CATSPERE: variants seen among roughly 807,000 people sequenced by gnomAD.
CATSPERE encodes the protein cation channel sperm-associated auxiliary subunit epsilon.
Under a neutral mutation model 114.1 loss-of-function variants are expected in CATSPERE, and 93 were observed. The ratio of observed to expected loss-of-function variants is 0.81; its 90% CI spans 0.69 to 0.97. The LOEUF is 0.97. CATSPERE is among the 50% of genes least tolerant of loss of function. CATSPERE has a pLI of 0.00. For missense variants in CATSPERE, 1,058 were observed against 1,131.6 expected, an observed-to-expected ratio of 0.93 and a Z score of 0.93; for synonymous variants, 341 against 384.1, an observed-to-expected ratio of 0.89 and a Z score of 1.31.
At position 244,640,067 on chromosome 1, in the gene CATSPERE, C is replaced by T. The variant is rs1040402040; in HGVS notation, c.2842C>T (p.Arg948Cys). Reference sequence around the variant, plus strand: ...ACCACTTCACAAACCTCAAAGAAAACGTAAGAAGAATTAGGAAAACTGAAA... The same window carrying T: ...ACCACTTCACAAACCTCAAAGAAAATGTAAGAAGAATTAGGAAAACTGAAA... ...YEPLHKPQRK[R>C]KKN Residue 948 changes from arginine to cysteine, a missense_variant, in exon 22 of 22, where the codon CGT becomes TGT. Coordinates refer to ENST00000366534, the MANE Select transcript of CATSPERE (RefSeq NM_001130957.2). The T allele has an allele frequency of 6.5e-6, 10 of 1,547,698 alleles. No homozygotes were observed. In the African/African-American group the frequency reaches 9.6e-5, roughly 15 times the overall value.
intron 2 of CATSPERE, among the ~76,000 whole-genome samples, chr1:244,474,043 TG>T (rs1371052414): frequency 6.6e-6 from 1 of 152,100 alleles, no homozygotes; most frequent in Non-Finnish European, 1.5e-5. Flanking sequence ...GCTTTTTTTT[TG>T]TTTTTGAGAT....
intron 5 of CATSPERE, among the ~76,000 whole-genome samples, chr1:244,485,798 G>A (rs1397462279): frequency 6.6e-6 from 1 of 150,836 alleles, no homozygotes; most frequent in African/African-American, 2.4e-5. Context: ...TTGGTGTCAG[G>A]CACTCCTCCC....
chr1:244,561,931 C>T (rs1662623647), intron 10 of CATSPERE, among the ~76,000 whole-genome samples: 2 of 152,050 alleles, frequency 1.3e-5, no homozygotes, highest in Non-Finnish European at 2.9e-5. Flanking sequence ...GTGGGAGGAT[C>T]ACTTGACTCC....
intron 8 of CATSPERE, among the ~76,000 whole-genome samples, chr1:244,538,478 C>G (rs1178232449): frequency 1.3e-5 from 2 of 152,186 alleles, no homozygotes; most frequent in Non-Finnish European, 2.9e-5. Flanking sequence ...TTGGAGTTCT[C>G]TGGCCCAACT....
At chr1:244,516,561 G>A (rs999690615) in intron 7 of CATSPERE, among the ~76,000 whole-genome samples, 6 of 149,442 alleles carry the variant, frequency 4.0e-5, no homozygotes, top group African/African-American at 1.2e-4. Flanking sequence ...TCTCTCTGTT[G>A]CCCAGGCTGG....
At position 244,552,667 on chromosome 1, in the gene CATSPERE, G is replaced by T. The variant is rs1660847664; in HGVS notation, c.882G>T (p.Arg294=). 1 of 1,613,946 alleles carries T rather than the reference G, an allele frequency of 6.2e-7. No individual in the cohort carries two copies. The highest frequency in any genetic ancestry group is 2.2e-5 in the East Asian group (1 of 44,892). ...RRSVAHVILS[R]DGIVFLINGV... is the part of the protein sequence containing the mutation. ...GTGTGGCTCATGTGATCTTATCGCG[G>T]GATGGAATCGTTTTTCTTATAAATG... The change falls in exon 9 of 22, where the codon CGG becomes CGT. Residue 294 remains arginine (R), a synonymous_variant. Transcript: ENST00000366534.
intron 5 of CATSPERE, 80 bp from the exon 6 acceptor site, chr1:244,490,367 C>A: frequency 1.1e-6 from 1 of 930,032 alleles, no homozygotes; most frequent in Non-Finnish European, 1.7e-6. Context: ...GGTTTAGAAA[C>A]ATGTATCTTG....
intron 20 of CATSPERE, 69 bp from the exon 21 acceptor site, chr1:244,635,420 G>A: frequency 1.8e-6 from 2 of 1,121,986 alleles, no homozygotes; most frequent in Non-Finnish European, 2.7e-6. Flanking sequence ...GTTACCATAG[G>A]GACATGGAGA....
In CATSPERE at chr1:244,566,652, C is replaced by CTTTTTTTTTTTTTTTTTT. The variant is rs59466928; in HGVS notation, c.1507+5525_1507+5542dup. ...TCAGAGACTAGGATTGCAACCCCTG[C>CTTTTTTTTTTTTTTTTTT]TTTTTTTTTTTTTTTTTTTTTTTTT... On this transcript the variant is annotated intron_variant, in intron 10 of 21. Transcript: ENST00000366534. Among the ~76,000 whole-genome samples, 49 of 49,076 alleles carry CTTTTTTTTTTTTTTTTTT rather than the reference C, an allele frequency of 1.0e-3. 8 individuals carry two copies. Among genetic ancestry groups the CTTTTTTTTTTTTTTTTTT allele is most frequent in the Non-Finnish European group, 1.8e-3 (25 of 14,274 alleles). 32.2% of individuals were successfully genotyped at this position (49,076 alleles called of 152,430 possible).
chr1:244,533,630 A>C (rs1207583200), intron 8 of CATSPERE, among the ~76,000 whole-genome samples: 1 of 152,180 alleles, frequency 6.6e-6, no homozygotes, highest in African/African-American at 2.4e-5. Context: ...GAAATTTGAA[A>C]AGAAAACTAA....
chr1:244,526,633 A>G (rs898482058), intron 8 of CATSPERE, among the ~76,000 whole-genome samples: 2 of 148,474 alleles, frequency 1.3e-5, no homozygotes, highest in African/African-American at 5.0e-5. Context: ...CAACCAATAG[A>G]TTGGCTTAGT....
In CATSPERE at chr1:244,461,509, G is replaced by T. The variant is rs1485160777; in HGVS notation, c.65+15G>T. Reference sequence around the variant, plus strand: ...GCCCTTTGGAGGTAGAGAGACGCCAGTCGCAGGCGAGCGACTAGGCGGGGA... The same window carrying T: ...GCCCTTTGGAGGTAGAGAGACGCCATTCGCAGGCGAGCGACTAGGCGGGGA... On this transcript the variant is annotated intron_variant, in intron 1 of 21. Coordinates refer to ENST00000366534, the MANE Select transcript of CATSPERE (RefSeq NM_001130957.2). 1.5e-5 allele frequency: 19 copies of T among 1,301,764 alleles called. No individual in the cohort carries two copies. The highest frequency in any genetic ancestry group is 1.5e-5 in the African/African-American group (1 of 65,650). 80.6% of individuals were successfully genotyped at this position (1,301,764 alleles called of 1,614,324 possible).
At chr1:244,523,146 G>C (rs528298004) in intron 8 of CATSPERE, among the ~76,000 whole-genome samples, 2 of 149,158 alleles carry the variant, frequency 1.3e-5, no homozygotes, top group East Asian at 3.9e-4. Context: ...CCATGATCGA[G>C]TGGGCTTCAT....
At chr1:244,455,466 G>T (rs936209705) in intron 1 of CATSPERE, among the ~76,000 whole-genome samples, 1 of 151,474 alleles carries the variant, frequency 6.6e-6, no homozygotes, top group African/African-American at 2.4e-5. Context: ...AATATTGGCC[G>T]CTTGGCGTGG....
chr1:244,636,371 C>G (rs1033340178), intron 21 of CATSPERE, among the ~76,000 whole-genome samples: 1 of 152,066 alleles, frequency 6.6e-6, no homozygotes, highest in African/African-American at 2.4e-5. Context: ...ACTCATGGCC[C>G]TACTGTAAAT....
intron 17 of CATSPERE, among the ~76,000 whole-genome samples, chr1:244,603,767 A>G (rs2148673105): frequency 6.6e-6 from 1 of 152,096 alleles, no homozygotes; most frequent in Admixed American, 6.6e-5. Flanking sequence ...GTGCTTTGGG[A>G]ATCAGAGGCA....
chr1:244,460,391 A>C (rs1666573169), upstream of CATSPERE, among the ~76,000 whole-genome samples: 1 of 152,154 alleles, frequency 6.6e-6, no homozygotes, highest in East Asian at 1.9e-4. Flanking sequence ...AAACTGGCTC[A>C]TCTGATCTTG....
At chr1:244,594,073 T>G (rs766417121) in intron 17 of CATSPERE, among the ~76,000 whole-genome samples, 3 of 152,190 alleles carry the variant, frequency 2.0e-5, no homozygotes, top group Non-Finnish European at 4.4e-5. Flanking sequence ...GTAATCCCAG[T>G]GCTTTGGGAG....
intron 2 of CATSPERE, among the ~76,000 whole-genome samples, chr1:244,468,213 C>T (rs913123059): frequency 3.3e-5 from 5 of 152,016 alleles, no homozygotes; most frequent in African/African-American, 1.2e-4. Flanking sequence ...CTGCCTCAGC[C>T]TCCCGAGAAG....
Sources: allele counts gnomAD v4.1 joint callset (sites outside exome capture counted in the v4.1 genomes callset), GRCh38; gene constraint gnomAD v4.1.1; transcripts MANE v1.5; gene names NCBI Gene and HGNC (gene_info 2026-07-23, HGNC 2026-07-21).